LDLRAD4: variants seen among roughly 807,000 people sequenced by gnomAD.
LDLRAD4 encodes low-density lipoprotein receptor class A domain-containing protein 4.
LDLRAD4 carries 5 observed loss-of-function variants against 17.0 expected under a neutral mutation model. The observed-to-expected ratio is 0.29, with a 90% CI of 0.15 to 0.62. The LOEUF (loss-of-function observed/expected upper bound fraction) is 0.62. LDLRAD4 is among the 20% of genes least tolerant of loss of function. The pLI is 0.84. For synonymous variants in LDLRAD4, 168 were observed against 171.8 expected (o/e 0.98, Z 0.17); for missense variants, 340 against 424.7 (o/e 0.80, Z 1.75).
At chr18:13,438,988 G>A (rs899798150) in intron 3 of LDLRAD4, among the ~76,000 whole-genome samples, 2 of 152,228 alleles carry the variant, frequency 1.3e-5, no homozygotes, top group African/African-American at 4.8e-5. Context: ...AGCTTTGAAA[G>A]CCCGCTGAAC....
intron 3 of LDLRAD4, among the ~76,000 whole-genome samples, chr18:13,450,060 A>G (rs1316254698): frequency 6.6e-6 from 1 of 152,104 alleles, no homozygotes; most frequent in Non-Finnish European, 1.5e-5. Flanking sequence ...TAGGCTTTGG[A>G]GATAGAAGTG....
chr18:13,491,721 C>G (rs979738730), intron 3 of LDLRAD4: 1 of 152,132 alleles, frequency 6.6e-6, no homozygotes, highest in Admixed American at 6.5e-5. Flanking sequence ...CCGGCAGGGA[C>G]TTTTACACCC....
intron 3 of LDLRAD4, among the ~76,000 whole-genome samples, chr18:13,457,363 C>A (rs1323588988): frequency 6.6e-6 from 1 of 152,176 alleles, no homozygotes. Flanking sequence ...TCCCTGGGCA[C>A]CCCCCTCCAA....
chr18:13,591,999 A>G (rs868253842), intron 3 of LDLRAD4, among the ~76,000 whole-genome samples: 37 of 152,238 alleles, frequency 2.4e-4, no homozygotes, highest in African/African-American at 8.4e-4. Flanking sequence ...AGCTCATTCA[A>G]CCACAAGGAC....
At chr18:13,233,420 G>A (rs1223768184) in intron 1 of LDLRAD4, among the ~76,000 whole-genome samples, 1 of 152,146 alleles carries the variant, frequency 6.6e-6, no homozygotes, top group Non-Finnish European at 1.5e-5. Context: ...GTTTGGAAGT[G>A]GGCCAAGGAA....
chr18:13,338,638 GT>G (rs2082223041), intron 1 of LDLRAD4, among the ~76,000 whole-genome samples: 3 of 152,318 alleles, frequency 2.0e-5, no homozygotes, highest in African/African-American at 7.2e-5. Context: ...ACACAGTTCA[GT>G]TTCTAAAAAT....
intron 1 of LDLRAD4, among the ~76,000 whole-genome samples, chr18:13,267,744 C>A (rs749618077): frequency 6.6e-6 from 1 of 152,204 alleles, no homozygotes; most frequent in Non-Finnish European, 1.5e-5. Context: ...TTGGAAATCA[C>A]GCACATGTAA....
rs34211384 is a variant in LDLRAD4 at position 13,239,192 on chromosome 18, A to AAAAG, written c.-467+20207_-467+20208insGAAA. ...ACAGAGCAAGACTCTGTCTCAAAAAAAAAAAAAAAAAATTGCTGCTTGTAA... is the reference window on the plus strand; with the variant it reads ...ACAGAGCAAGACTCTGTCTCAAAAAAAAAGAAAAAAAAAAAATTGCTGCTTGTAA... On this transcript the variant is annotated intron_variant, in intron 1 of 5. Coordinates refer to the LDLRAD4 transcript ENST00000399848. 0.027 allele frequency among the ~76,000 whole-genome samples: 4,085 copies of AAAAG among 151,542 alleles called. 323 individuals are homozygous for AAAAG. The East Asian group carries it at 0.31, about 12-fold the overall frequency.
intron 3 of LDLRAD4, among the ~76,000 whole-genome samples, chr18:13,549,612 G>T (rs566038368): frequency 1.3e-5 from 2 of 151,820 alleles, no homozygotes; most frequent in African/African-American, 4.8e-5. Context: ...ACATAGAAAG[G>T]CCGTGGCTAC....
At chr18:13,370,470 A>G (rs772798038) in intron 1 of LDLRAD4, among the ~76,000 whole-genome samples, 41 of 152,106 alleles carry the variant, frequency 2.7e-4, no homozygotes, top group Non-Finnish European at 4.9e-4. Context: ...GTTTGCCTTT[A>G]TTGATTTGAG....
intron 3 of LDLRAD4, among the ~76,000 whole-genome samples, chr18:13,439,814 G>A (rs75087310): frequency 2.5e-3 from 381 of 152,286 alleles, no homozygotes; most frequent in Non-Finnish European, 4.0e-3. Flanking sequence ...CCAGAGGGTC[G>A]GGAGCCCTGA....
chr18:13,477,378 AC>A (rs1371309303), intron 3 of LDLRAD4, among the ~76,000 whole-genome samples: 1 of 152,064 alleles, frequency 6.6e-6, no homozygotes, highest in East Asian at 1.9e-4. Flanking sequence ...CTCTGTGGCC[AC>A]CCAGCTGCCT....
intron 3 of LDLRAD4, among the ~76,000 whole-genome samples, chr18:13,549,699 G>A (rs1316265932): frequency 3.3e-5 from 5 of 151,782 alleles, no homozygotes; most frequent in African/African-American, 7.3e-5. Context: ...AATTAGCCCT[G>A]GCTGGACCAT....
intron 2 of LDLRAD4, among the ~76,000 whole-genome samples, chr18:13,393,648 C>A (rs980255261): frequency 4.6e-5 from 7 of 152,186 alleles, no homozygotes; most frequent in African/African-American, 1.7e-4. Context: ...TCCGTTCTCT[C>A]CTCTCTCTAG....
At chr18:13,402,652 G>C (rs933196458) in intron 2 of LDLRAD4, among the ~76,000 whole-genome samples, 1 of 152,172 alleles carries the variant, frequency 6.6e-6, no homozygotes, top group Non-Finnish European at 1.5e-5. Flanking sequence ...TCCTAGGTCA[G>C]TGCTGCTTCT....
intron 4 of LDLRAD4, among the ~76,000 whole-genome samples, chr18:13,630,411 A>G (rs1320077378): frequency 1.3e-5 from 2 of 152,202 alleles, no homozygotes; most frequent in African/African-American, 4.8e-5. Context: ...GGCTGCATGA[A>G]AAAAGGGAGA....
upstream of LDLRAD4, among the ~76,000 whole-genome samples, chr18:13,276,989 G>A (rs949187279): frequency 6.6e-5 from 10 of 152,160 alleles, no homozygotes; most frequent in African/African-American, 2.4e-4. Context: ...CTAAGATCTG[G>A]AAAATCAGCA....
intron 2 of LDLRAD4, among the ~76,000 whole-genome samples, chr18:13,395,962 C>T (rs1214066255): frequency 1.3e-5 from 2 of 152,104 alleles, no homozygotes; most frequent in East Asian, 1.9e-4. Flanking sequence ...CTCATGGAGT[C>T]GTCACAGGCC....
At chr18:13,255,233 C>T (rs56231311) in intron 1 of LDLRAD4, among the ~76,000 whole-genome samples, 3,170 of 152,256 alleles carry the variant, frequency 0.021, 121 homozygotes, top group African/African-American at 0.071. Flanking sequence ...CCAGCAGGTG[C>T]TGTTGGATAC....
Sources: allele counts gnomAD v4.1 joint callset (sites outside exome capture counted in the v4.1 genomes callset), GRCh38; gene constraint gnomAD v4.1.1; transcripts MANE v1.5; gene names NCBI Gene and HGNC (gene_info 2026-07-23, HGNC 2026-07-21).